Variants in ANKMY2 observed in about 807,000 individuals in gnomAD.
ANKMY2 encodes the protein ankyrin repeat and MYND domain-containing protein 2.
A neutral mutation model predicts 50.4 loss-of-function variants in ANKMY2; 36 were observed. That is an observed-to-expected ratio of 0.71 (90% CI 0.55 to 0.94). The LOEUF is 0.94. ANKMY2 is among the 40% of genes least tolerant of loss of function. The probability of loss-of-function intolerance (pLI) is 0.00; values close to 1 mark genes in which losing one functional copy is unlikely to be tolerated. For missense variants in ANKMY2, 565 were observed against 524.0 expected (o/e 1.08, Z -0.76); for synonymous variants, 187 against 178.8 (o/e 1.05, Z -0.36).
chr7:16,617,917 GTTTT>G (rs780533044), intron 4 of ANKMY2, among the ~76,000 whole-genome samples: 1 of 110,882 alleles, frequency 9.0e-6, no homozygotes. Context: ...CAGTGAGCGT[GTTTT>G]TTTTTTTTTT....
rs771940310 is a variant in ANKMY2, at chr7:16,610,532, C to T, written c.746+17G>A. ...TCACTTGAGTGTATTTTATAAACGA[C>T]ATAGTAAAAAGAGTACCTTTTGATC... On this transcript the variant is annotated intron_variant, in intron 6 of 9. Transcript: ENST00000306999. The T allele has an allele frequency of 3.2e-6, 5 of 1,574,280 alleles. No individual in the cohort carries two copies. In the East Asian group the frequency reaches 1.1e-4, roughly 35 times the overall value.
At chr7:16,623,203 G>T (rs929064617) in intron 4 of ANKMY2, among the ~76,000 whole-genome samples, 2 of 152,168 alleles carry the variant, frequency 1.3e-5, no homozygotes, top group Non-Finnish European at 2.9e-5. Flanking sequence ...AACAAAAAGG[G>T]GAGAATGAGC....
At chr7:16,634,580 T>TGTA in intron 2 of ANKMY2, among the ~76,000 whole-genome samples, 1 of 152,254 alleles carries the variant, frequency 6.6e-6, no homozygotes, top group African/African-American at 2.4e-5. Context: ...GCTGGAGTAC[T>TGTA]GATCAACACA....
At chr7:16,623,358 T>G (rs1265465919) in intron 4 of ANKMY2, among the ~76,000 whole-genome samples, 1 of 152,332 alleles carries the variant, frequency 6.6e-6, no homozygotes, top group Non-Finnish European at 1.5e-5. Context: ...CAATTTTTAC[T>G]GTAGTAAAAA....
intron 1 of ANKMY2, chr7:16,644,671 C>T (rs553677737): frequency 4.2e-6 from 2 of 471,104 alleles, no homozygotes; most frequent in Non-Finnish European, 4.4e-6. Context: ...AGCATGCAGT[C>T]ACGCTGATGT....
Position 16,625,095 on chromosome 7 carries a change from G to A in ANKMY2, c.272-14C>T. On this transcript the variant is annotated splice_polypyrimidine_tract_variant and intron_variant, in intron 3 of 9. Transcript: ENST00000306999. ...TGTCTTTATTACCTAGAGTTTTAAA[G>A]GGAACACATTTGTTAATGTTAAGGA... 1 of 1,597,944 alleles carries A rather than the reference G, an allele frequency of 6.3e-7. No homozygotes were observed. Among genetic ancestry groups the A allele is most frequent in the Non-Finnish European group, 8.6e-7 (1 of 1,165,652 alleles).
Position 16,615,956 on chromosome 7 carries a change from T to C in ANKMY2, c.371-52A>G, listed in dbSNP as rs373881593. 146 of 1,513,414 alleles carry C rather than the reference T, an allele frequency of 9.6e-5. 1 individual carries two copies. The highest frequency in any genetic ancestry group is 3.3e-4 in the South Asian group (26 of 79,706). The allele number at this position is 1,513,414 out of a possible 1,614,324, so 93.7% of individuals were successfully genotyped here. On this transcript the variant is annotated intron_variant, in intron 4 of 9. Coordinates refer to ENST00000306999, the MANE Select transcript of ANKMY2 (RefSeq NM_020319.3). ...TAGTTTTAGTATTAAAAATAACACA[T>C]CTGGTTTTTAAAATTAATTATGTTG...
chr7:16,618,292 AAAAC>A (rs1282794176), intron 4 of ANKMY2, among the ~76,000 whole-genome samples: 1 of 152,102 alleles, frequency 6.6e-6, no homozygotes, highest in African/African-American at 2.4e-5. Context: ...CTGTTTCAAC[AAAAC>A]AAACAAAAAA....
chr7:16,604,571 A>C (rs1417377379), intron 8 of ANKMY2, 150 bp downstream of exon 8: 1 of 1,073,078 alleles, frequency 9.3e-7, no homozygotes, highest in Non-Finnish European at 1.3e-6. Flanking sequence ...TTCTTTTCCA[A>C]AACTACTTTT....
intron 2 of ANKMY2, among the ~76,000 whole-genome samples, chr7:16,632,304 T>A (rs6976624): frequency 0.83 from 126,284 of 152,074 alleles, 52,727 homozygotes; most frequent in African/African-American, 0.88. Context: ...AATCGGTTTA[T>A]TATACTCACA....
chr7:16,602,540 C>A (rs1480904346), intron 8 of ANKMY2, 31 bp from the exon 9 acceptor site: 1 of 1,602,302 alleles, frequency 6.2e-7, no homozygotes, highest in Admixed American at 1.7e-5. Flanking sequence ...ATTTTCATTT[C>A]CAGAGCTTGG....
chr7:16,601,033 T>C, intron 9 of ANKMY2, 88 bp from the exon 10 acceptor site: 1 of 1,041,472 alleles, frequency 9.6e-7, no homozygotes, highest in Non-Finnish European at 1.3e-6. Context: ...AATCTTCCTA[T>C]CAACTACATG....
chr7:16,605,336 T>C (rs1781136546), intron 7 of ANKMY2, among the ~76,000 whole-genome samples: 1 of 152,206 alleles, frequency 6.6e-6, no homozygotes, highest in Non-Finnish European at 1.5e-5. Flanking sequence ...TGATGTTGGC[T>C]TGTAATTCAA....
At position 16,600,852 on chromosome 7, in the gene ANKMY2, G is replaced by A. The variant is rs766508470; in HGVS notation, c.1235C>T (p.Ser412Phe). The stretch of plus-strand genomic sequence containing the variant: ...AAGAGATTCTTTCTTTCCTTCCCCG[G>A]AATCTTCAGGATTGGAATCCTTTTG... ...ISQKDSNPED[S>F]GEGKKESLES... The change falls in exon 10 of 10, where the codon TCC becomes TTC. Residue 412 changes from serine to phenylalanine, a missense_variant. By Grantham distance (155) the Ser-to-Phe change is radical. Coordinates refer to ENST00000306999, the MANE Select transcript of ANKMY2 (RefSeq NM_020319.3). 6.2e-7 allele frequency: 1 copy of A among 1,612,980 alleles called. No individual in the cohort carries two copies. The highest frequency in any genetic ancestry group is 8.5e-7 in the Non-Finnish European group (1 of 1,179,492).
At chr7:16,614,582 C>T (rs1423833996) in intron 5 of ANKMY2, among the ~76,000 whole-genome samples, 2 of 152,158 alleles carry the variant, frequency 1.3e-5, no homozygotes, top group East Asian at 1.9e-4. Flanking sequence ...GATGCATCAA[C>T]AAAGTAATAA....
intron 1 of ANKMY2, among the ~76,000 whole-genome samples, chr7:16,643,479 A>G (rs570291799): frequency 1.3e-5 from 2 of 152,234 alleles, no homozygotes; most frequent in Admixed American, 6.5e-5. Flanking sequence ...CTAGGTCCAC[A>G]TCAGTTCTTT....
chr7:16,645,543 G>C lies in ANKMY2; in HGVS notation c.31C>G (p.Gln11Glu). Reference sequence around the variant, plus strand: ...ACTTCCAGTAGCTCCTTCTCCTCCTGGGTCAGCTCGCCTTTCTTTATGTGA... The same window carrying C: ...ACTTCCAGTAGCTCCTTCTCCTCCTCGGTCAGCTCGCCTTTCTTTATGTGA... MVHIKKGELT[Q>E]EEKELLEVIG... The change falls in exon 1 of 10, where the codon CAG becomes GAG. Residue 11 changes from glutamine (Q) to glutamate (E), a missense_variant. By Grantham distance (29) the Gln-to-Glu change is conservative. Coordinates refer to ENST00000306999, the MANE Select transcript of ANKMY2 (RefSeq NM_020319.3). 1 of 1,612,112 alleles carries C rather than the reference G, an allele frequency of 6.2e-7. No individual in the cohort carries two copies. The highest frequency in any genetic ancestry group is 1.1e-5 in the South Asian group (1 of 90,814).
intron 2 of ANKMY2, among the ~76,000 whole-genome samples, chr7:16,633,700 AAT>A (rs1781618183): frequency 6.6e-6 from 1 of 152,198 alleles, no homozygotes; most frequent in Admixed American, 6.5e-5. Flanking sequence ...AATTTTTATC[AAT>A]GTTACATGTA....
chr7:16,641,352 TTTG>T (rs1781742728), intron 1 of ANKMY2, among the ~76,000 whole-genome samples: 1 of 152,200 alleles, frequency 6.6e-6, no homozygotes, highest in South Asian at 2.1e-4. Context: ...ATTTTTAGAC[TTTG>T]TAAAAAAATG....
Sources: gnomAD v4.1 joint callset for allele counts (sites outside exome capture counted in the v4.1 genomes callset) on GRCh38, gnomAD v4.1.1 for gene constraint, MANE v1.5 for transcripts, NCBI Gene and HGNC (gene_info 2026-07-23, HGNC 2026-07-21) for gene names.